Variants in SPSB4 observed in about 807,000 individuals in gnomAD.
The protein encoded by SPSB4 is SPRY domain-containing SOCS box protein 4.
A neutral mutation model predicts 20.9 loss-of-function variants in SPSB4; 21 were observed. That is an observed-to-expected ratio of 1.01 (90% confidence interval 0.71 to 1.45). SPSB4 has a LOEUF of 1.45. SPSB4 is among the 40% of genes most tolerant of loss of function. The pLI, the probability that SPSB4 is intolerant of heterozygous loss-of-function variation, is 0.00. For missense variants in SPSB4, 399 were observed against 399.2 expected, an observed-to-expected ratio of 1.00 and a Z score of 0.00; for synonymous variants, 207 against 183.8, an observed-to-expected ratio of 1.13 and a Z score of -1.02.
intron 2 of SPSB4, among the ~76,000 whole-genome samples, chr3:141,131,627 G>A (rs528888473): frequency 1.6e-3 from 249 of 152,224 alleles, no homozygotes; most frequent in African/African-American, 3.4e-3. Flanking sequence ...AAGTTATGTC[G>A]AAAGATTCCT....
Position 141,100,304 on chromosome 3 carries a change from A to G in SPSB4, c.694+33506A>G, listed in dbSNP as rs529161550. 5.3e-5 allele frequency among the ~76,000 whole-genome samples: 8 copies of G among 152,344 alleles called. No homozygotes were observed. The East Asian group carries it at 1.5e-3, about 29-fold the overall frequency. On this transcript the variant is annotated intron_variant, in intron 2 of 2. Coordinates refer to ENST00000310546, the MANE Select transcript of SPSB4 (RefSeq NM_080862.3). ...AGGTCATTGCAGATGTAATAAGTTA[A>G]GATGAGGTCATCAGGGTGGGCCTGA...
intron 2 of SPSB4, chr3:141,115,341 G>A (rs1938866651): frequency 6.6e-6 from 1 of 152,192 alleles, no homozygotes; most frequent in African/African-American, 2.4e-5. Flanking sequence ...TTTATTCTGC[G>A]ATAGAAGTGA....
intron 1 of SPSB4, among the ~76,000 whole-genome samples, chr3:141,062,607 C>A (rs1465507652): frequency 6.6e-6 from 1 of 152,110 alleles, no homozygotes; most frequent in African/African-American, 2.4e-5. Context: ...TCCAGATATT[C>A]TGCAATTTCT....
At chr3:141,140,843 ACT>A (rs1239207680) in intron 2 of SPSB4, among the ~76,000 whole-genome samples, 2 of 151,944 alleles carry the variant, frequency 1.3e-5, no homozygotes, top group Non-Finnish European at 2.9e-5. Flanking sequence ...GAGAACCACT[ACT>A]CTCTTCAAAG....
intron 2 of SPSB4, among the ~76,000 whole-genome samples, chr3:141,070,928 C>T (rs1225325119): frequency 1.3e-5 from 2 of 152,232 alleles, no homozygotes; most frequent in Non-Finnish European, 2.9e-5. Flanking sequence ...GGCTGGTGAC[C>T]GTGCAGCCCA....
At position 141,145,054 on chromosome 3, in the gene SPSB4, C is replaced by T. The variant is rs147639318; in HGVS notation, c.695-2088C>T. Among the ~76,000 whole-genome samples, 920 of 152,122 alleles carry T rather than the reference C, an allele frequency of 6.0e-3. 10 individuals are homozygous for T. The highest frequency in any genetic ancestry group is 0.021 in the African/African-American group (867 of 41,494). On this transcript the variant is annotated intron_variant, in intron 2 of 2. Transcript: ENST00000310546. ...AGTGATTGGGTGACTGGGAGGTGAG[C>T]GATCAGCCTTCTGCACCTGGAAAAT...
chr3:141,057,767 G>A lies in SPSB4; in HGVS notation c.-154+5775G>A, dbSNP rs1420219962. On this transcript the variant is annotated intron_variant, in intron 1 of 2. Transcript: ENST00000310546. Reference sequence around the variant, plus strand: ...TCAGAGAACCTGTCGAGGATTTTGAGCAGGAGCGTGATTAGATCAACTGTG... The same window carrying A: ...TCAGAGAACCTGTCGAGGATTTTGAACAGGAGCGTGATTAGATCAACTGTG... 2.6e-5 allele frequency among the ~76,000 whole-genome samples: 4 copies of A among 152,352 alleles called. No homozygotes were observed. In the South Asian group the frequency reaches 8.3e-4, roughly 32 times the overall value.
intron 2 of SPSB4, among the ~76,000 whole-genome samples, chr3:141,098,483 T>C (rs1188946337): frequency 6.6e-6 from 1 of 152,208 alleles, no homozygotes; most frequent in Non-Finnish European, 1.5e-5. Flanking sequence ...TTACAAGTCT[T>C]ACATAATTCT....
chr3:141,102,337 A>G lies in SPSB4; in HGVS notation c.694+35539A>G, dbSNP rs542383670. Among the ~76,000 whole-genome samples, 3 of 152,300 alleles carry G rather than the reference A, an allele frequency of 2.0e-5. No homozygotes were observed. The South Asian group carries it at 6.2e-4, about 32-fold the overall frequency. The stretch of plus-strand genomic sequence containing the variant: ...ACCCCATGGAACGTACAACTTAGCA[A>G]GGAAAACATACAACCGATTACAGAA... On this transcript the variant is annotated intron_variant, in intron 2 of 2. Coordinates refer to ENST00000310546, the MANE Select transcript of SPSB4 (RefSeq NM_080862.3).
intron 2 of SPSB4, among the ~76,000 whole-genome samples, chr3:141,101,800 G>A (rs971200674): frequency 6.6e-6 from 1 of 152,196 alleles, no homozygotes; most frequent in Non-Finnish European, 1.5e-5. Flanking sequence ...CCGATAACGT[G>A]TTGCACATCT....
intron 2 of SPSB4, among the ~76,000 whole-genome samples, chr3:141,102,384 T>G (rs951218612): frequency 2.0e-5 from 3 of 152,196 alleles, no homozygotes; most frequent in Admixed American, 2.0e-4. Context: ...GTTACTAGTG[T>G]GCAGGGTGGC....
intron 2 of SPSB4, among the ~76,000 whole-genome samples, chr3:141,090,653 C>A (rs908220666): frequency 6.6e-6 from 1 of 152,132 alleles, no homozygotes; most frequent in African/African-American, 2.4e-5. Flanking sequence ...GAGACCAGAG[C>A]GAAACCGGGC....
intron 2 of SPSB4, among the ~76,000 whole-genome samples, chr3:141,128,414 G>T (rs1939081744): frequency 6.6e-6 from 1 of 152,214 alleles, no homozygotes; most frequent in African/African-American, 2.4e-5. Flanking sequence ...ACAGCATCAA[G>T]GAGTGGGGAG....
rs141822778 is a variant in SPSB4, at chr3:141,072,224, T to C, written c.694+5426T>C. Among the ~76,000 whole-genome samples, 414 of 152,376 alleles carry C rather than the reference T, an allele frequency of 2.7e-3. 1 individual carries two copies. The highest frequency in any genetic ancestry group is 4.9e-3 in the Non-Finnish European group (332 of 68,028). The stretch of plus-strand genomic sequence containing the variant: ...CTCATTTTTCCACCCATAGGCCTTC[T>C]TTCCCCAAGTGGTTATGAAGTTCCT... On this transcript the variant is annotated intron_variant, in intron 2 of 2. Coordinates refer to ENST00000310546, the MANE Select transcript of SPSB4 (RefSeq NM_080862.3).
intron 2 of SPSB4, among the ~76,000 whole-genome samples, chr3:141,090,173 A>G (rs1034346868): frequency 6.6e-6 from 1 of 152,128 alleles, no homozygotes; most frequent in Non-Finnish European, 1.5e-5. Context: ...CAATTCTACC[A>G]CCATGTGTCC....
At chr3:141,058,451 A>G (rs1270676505) in intron 1 of SPSB4, among the ~76,000 whole-genome samples, 4 of 152,174 alleles carry the variant, frequency 2.6e-5, no homozygotes, top group African/African-American at 9.7e-5. Flanking sequence ...GGTTTTGGGG[A>G]AAAGTGACGG....
chr3:141,112,071 G>A (rs1429472660), intron 2 of SPSB4, among the ~76,000 whole-genome samples: 6 of 152,192 alleles, frequency 3.9e-5, no homozygotes, highest in Admixed American at 3.3e-4. Flanking sequence ...GCCCAGGGAG[G>A]CACCATGCGT....
At position 141,066,632 on chromosome 3, in the gene SPSB4, G is replaced by T; in HGVS notation, c.528G>T (p.Ser176=). The part of the protein sequence containing the change: ...GPDEAFALPD[S]LLVVLDMDEG... ...ACGAGGCCTTTGCGCTGCCCGACTC[G>T]CTGCTCGTGGTGCTGGACATGGATG... The change falls in exon 2 of 3, where the codon TCG becomes TCT. Residue 176 remains serine (S), a synonymous_variant. Transcript: ENST00000310546. 1.9e-6 allele frequency: 3 copies of T among 1,609,546 alleles called. No individual in the cohort carries two copies. The highest frequency in any genetic ancestry group is 1.7e-6 in the Non-Finnish European group (2 of 1,177,862).
At chr3:141,057,815 T>C (rs1226256218) in intron 1 of SPSB4, among the ~76,000 whole-genome samples, 1 of 152,242 alleles carries the variant, frequency 6.6e-6, no homozygotes, top group Non-Finnish European at 1.5e-5. Context: ...TGCAGTAGTA[T>C]ATATTTGAAA....
Sources: allele counts gnomAD v4.1 joint callset (sites outside exome capture counted in the v4.1 genomes callset), GRCh38; gene constraint gnomAD v4.1.1; transcripts MANE v1.5; gene names NCBI Gene and HGNC (gene_info 2026-07-23, HGNC 2026-07-21).